Variants in AGL observed in about 807,000 individuals in gnomAD.
AGL encodes glycogen debranching enzyme.
In AGL, 128 loss-of-function variants were observed where a neutral mutation model predicts 199.3. The ratio of observed to expected loss-of-function variants is 0.64; its 90% CI spans 0.56 to 0.74. AGL has a LOEUF of 0.74. Among genes scored for constraint, AGL ranks in the 30% least tolerant of loss-of-function variants. AGL has a pLI of 0.00. For missense variants in AGL, 1,809 were observed against 1,820.8 expected (o/e 0.99, Z 0.12); for synonymous variants, 584 against 594.7 (o/e 0.98, Z 0.26).
At position 99,873,292 on chromosome 1, in the gene AGL, T is replaced by C. The variant is rs1012894530; in HGVS notation, c.959-1395T>C. On this transcript the variant is annotated intron_variant, in intron 7 of 33. Coordinates refer to ENST00000361915, the MANE Select transcript of AGL (RefSeq NM_000642.3). ...GAAGTACCACCATAATACTTCATAG[T>C]GTATGGTAATATACAAAATATACAT... is the stretch of plus-strand genomic sequence containing the variant. Among the ~76,000 whole-genome samples, 4 of 152,180 alleles carry C rather than the reference T, an allele frequency of 2.6e-5. No homozygotes were observed. In the East Asian group the frequency reaches 7.7e-4, roughly 29 times the overall value.
At chr1:99,853,007 A>C (rs1263271091) in intron 2 of AGL, among the ~76,000 whole-genome samples, 1 of 152,114 alleles carries the variant, frequency 6.6e-6, no homozygotes, top group Non-Finnish European at 1.5e-5. Context: ...TATAGTTCCC[A>C]GGGTAGAAAC....
At chr1:99,887,334 G>A (rs1315077546) in intron 20 of AGL, among the ~76,000 whole-genome samples, 1 of 152,166 alleles carries the variant, frequency 6.6e-6, no homozygotes, top group African/African-American at 2.4e-5. Flanking sequence ...GGCCATGATA[G>A]TCTTCCCTCT....
In AGL at chr1:99,881,568, A is replaced by G. The variant is rs1391183957; in HGVS notation, c.2185A>G (p.Ile729Val). 1 of 1,614,052 alleles carries G rather than the reference A, an allele frequency of 6.2e-7. No homozygotes were observed. Among genetic ancestry groups the G allele is most frequent in the South Asian group, 1.1e-5 (1 of 91,084 alleles). The stretch of plus-strand genomic sequence containing the variant: ...GTATGTGGATCAAGTTGATGAAGAC[A>G]TAGTGGCAGTAACAAGACACTCACC... Reference protein sequence around the residue: ...QVYVDQVDEDIVAVTRHSPSI... With the variant: ...QVYVDQVDEDVVAVTRHSPSI... Residue 729 changes from isoleucine to valine, a missense_variant, in exon 17 of 34, where the codon ATA becomes GTA. By Grantham distance (29) the Ile-to-Val change is conservative. Transcript: ENST00000361915.
chr1:99,917,643 T>C (rs1485855334), intron 33 of AGL, among the ~76,000 whole-genome samples: 1 of 152,194 alleles, frequency 6.6e-6, no homozygotes, highest in Non-Finnish European at 1.5e-5. Flanking sequence ...GTGCTTCTTT[T>C]GCATTGAATA....
Position 99,921,790 on chromosome 1 carries a change from G to T in AGL, c.*139G>T. 3.6e-6 allele frequency: 2 copies of T among 549,446 alleles called. No homozygotes were observed. 34.0% of individuals were successfully genotyped at this position (549,446 alleles called of 1,614,324 possible). On this transcript the variant is annotated 3_prime_UTR_variant, in exon 34 of 34. Coordinates refer to ENST00000361915, the MANE Select transcript of AGL (RefSeq NM_000642.3). ...TATTGATGCTCAATTAGGTAAGATT[G>T]TAAAAGCATTGATTTTTTTTAATGT...
intron 25 of AGL, among the ~76,000 whole-genome samples, chr1:99,897,600 G>A (rs1653436312): frequency 6.6e-6 from 1 of 152,104 alleles, no homozygotes; most frequent in South Asian, 2.1e-4. Context: ...TACCATTATG[G>A]AGCTATAGAA....
chr1:99,856,539 A>T (rs952903247), intron 2 of AGL, among the ~76,000 whole-genome samples: 14 of 151,958 alleles, frequency 9.2e-5, no homozygotes, highest in African/African-American at 2.9e-4. Context: ...GAAGGTCAGC[A>T]GATAAACAAG....
intron 26 of AGL, among the ~76,000 whole-genome samples, chr1:99,902,023 A>C (rs1388276418): frequency 6.6e-6 from 1 of 152,082 alleles, no homozygotes; most frequent in African/African-American, 2.4e-5. Context: ...AATTAATAGT[A>C]GAATTTTTAT....
At chr1:99,876,722 G>T (rs1651569569) in intron 11 of AGL, 125 bp downstream of exon 11, 15 of 1,160,388 alleles carry the variant, frequency 1.3e-5, no homozygotes, top group East Asian at 9.5e-5. Context: ...CACCATAAAG[G>T]TACCAGAGAT....
chr1:99,858,743 C>T (rs1649782252), intron 2 of AGL, among the ~76,000 whole-genome samples: 1 of 152,066 alleles, frequency 6.6e-6, no homozygotes, highest in African/African-American at 2.4e-5. Flanking sequence ...TATTTAGTTA[C>T]ATTTTCACTG....
In AGL at chr1:99,923,572, A is replaced by G. The variant is rs1489878934; in HGVS notation, c.*1921A>G. 6.6e-6 allele frequency: 1 copy of G among 152,206 alleles called. No individual in the cohort carries two copies. The highest frequency in any genetic ancestry group is 1.9e-4 in the East Asian group (1 of 5,204). The allele number at this position is 152,206 out of a possible 1,614,324, so 9.4% of individuals were successfully genotyped here. ...TAAGTGGTTCATATTTCTAATGAGG[A>G]AGATTAATGAAAGAACATTGTTATA... On this transcript the variant is annotated 3_prime_UTR_variant, in exon 34 of 34. Transcript: ENST00000361915.
At chr1:99,886,777 CTT>C (rs1368261344) in intron 20 of AGL, among the ~76,000 whole-genome samples, 1 of 152,108 alleles carries the variant, frequency 6.6e-6, no homozygotes, top group Admixed American at 6.6e-5. Context: ...TTTTGTAAGA[CTT>C]TTTATTGTTA....
intron 17 of AGL, among the ~76,000 whole-genome samples, chr1:99,883,450 A>G (rs912511840): frequency 6.6e-6 from 1 of 152,178 alleles, no homozygotes; most frequent in African/African-American, 2.4e-5. Flanking sequence ...AATAGAACAG[A>G]TATATTTTGG....
At position 99,907,693 on chromosome 1, in the gene AGL, G is replaced by GTTTTTTTTTGTTTT. The variant is rs71075465; in HGVS notation, c.3701-3011_3701-3010insTGTTTTTTTTTTTT. ...TTTTGTTCGTTTGTTTTTGTTTTTTGTTTTTTTTGCTAGTAGCCATCCTAA... is the reference window on the plus strand; with the variant it reads ...TTTTGTTCGTTTGTTTTTGTTTTTTGTTTTTTTTTGTTTTTTTTTTTTGCTAGTAGCCATCCTAA... On this transcript the variant is annotated intron_variant, in intron 27 of 33. Transcript: ENST00000361915. Among the ~76,000 whole-genome samples, 563 of 118,962 alleles carry GTTTTTTTTTGTTTT rather than the reference G, an allele frequency of 4.7e-3. 17 individuals carry two copies. Among genetic ancestry groups the GTTTTTTTTTGTTTT allele is most frequent in the African/African-American group, 0.014 (480 of 33,564 alleles). 78.0% of individuals were successfully genotyped at this position (118,962 alleles called of 152,430 possible).
chr1:99,888,635 G>C (rs1369415023), intron 21 of AGL, among the ~76,000 whole-genome samples: 1 of 152,094 alleles, frequency 6.6e-6, no homozygotes, highest in Non-Finnish European at 1.5e-5. Flanking sequence ...AGAACTTACA[G>C]TAAAACATAC....
chr1:99,880,854 C>T, intron 14 of AGL, 59 bp downstream of exon 14: 1 of 1,573,088 alleles, frequency 6.4e-7, no homozygotes, highest in South Asian at 1.1e-5. Flanking sequence ...ATTTAACTCT[C>T]TGACACTTGG....
At chr1:99,896,535 A>G (rs914486642) in intron 25 of AGL, 147 bp downstream of exon 25, 26 of 693,162 alleles carry the variant, frequency 3.8e-5, no homozygotes, top group Non-Finnish European at 5.6e-5. Context: ...TTGTATGTTC[A>G]CTTAATAGGA....
chr1:99,889,336 T>G (rs930619516), intron 21 of AGL, among the ~76,000 whole-genome samples: 1 of 152,218 alleles, frequency 6.6e-6, no homozygotes, highest in Admixed American at 6.5e-5. Flanking sequence ...AATAAACTTT[T>G]TTGAGACTTT....
intron 2 of AGL, among the ~76,000 whole-genome samples, chr1:99,859,747 G>C (rs531547594): frequency 1.3e-4 from 20 of 152,198 alleles, no homozygotes; most frequent in Middle Eastern, 3.4e-3. Context: ...TCACCATGTT[G>C]GTCAGGCTGG....
Sources: allele counts gnomAD v4.1 joint callset (sites outside exome capture counted in the v4.1 genomes callset), GRCh38; gene constraint gnomAD v4.1.1; transcripts MANE v1.5; gene names NCBI Gene and HGNC (gene_info 2026-07-23, HGNC 2026-07-21).